SEC14L5: variants seen among roughly 807,000 people sequenced by gnomAD.
SEC14L5 encodes the protein SEC14 like lipid binding 5.
In SEC14L5, 96 loss-of-function variants were observed where a neutral mutation model predicts 84.6. That is an observed-to-expected ratio of 1.13 (90% CI 0.96 to 1.34). SEC14L5 has a LOEUF of 1.34. Among genes scored for constraint, SEC14L5 ranks in the 40% most tolerant of loss-of-function variants. SEC14L5 has a pLI of 0.00. For synonymous variants in SEC14L5, 546 were observed against 383.4 expected, an observed-to-expected ratio of 1.42 and a Z score of -4.95; for missense variants, 1,224 against 942.5, an observed-to-expected ratio of 1.30 and a Z score of -3.91.
At chr16:4,983,629 C>T (rs1955452469) in intron 2 of SEC14L5, among the ~76,000 whole-genome samples, 1 of 151,380 alleles carries the variant, frequency 6.6e-6, no homozygotes. Flanking sequence ...GTAATCCCAG[C>T]ACTTTGGGAG....
At position 5,011,271 on chromosome 16, in the gene SEC14L5, C is replaced by G; in HGVS notation, c.1977C>G (p.Phe659Leu). 1.2e-6 allele frequency: 2 copies of G among 1,612,158 alleles called. No individual in the cohort carries two copies. The highest frequency in any genetic ancestry group is 1.7e-6 in the Non-Finnish European group (2 of 1,178,520). The change falls in exon 15 of 16, where the codon TTC becomes TTG. Residue 659 changes from phenylalanine to leucine, a missense_variant and splice_region_variant. By Grantham distance (22) the Phe-to-Leu change is conservative. Transcript: ENST00000251170. ...YYCEVLASED[F>L]RGSMSSLESC... The stretch of plus-strand genomic sequence containing the variant: ...GTGAGGTGCTCGCCTCTGAGGACTT[C>G]AGGTAGGAGGGCTCCGGAGCGGGGT...
At chr16:5,006,946 C>G (rs942290682) in intron 12 of SEC14L5, among the ~76,000 whole-genome samples, 1 of 152,168 alleles carries the variant, frequency 6.6e-6, no homozygotes, top group South Asian at 2.1e-4. Flanking sequence ...GGTGCAGTGA[C>G]TGTTCCACCC....
intron 2 of SEC14L5, among the ~76,000 whole-genome samples, chr16:4,986,800 G>T (rs149674681): frequency 2.3e-3 from 353 of 152,178 alleles, no homozygotes; most frequent in Non-Finnish European, 4.1e-3. Context: ...GTTGTAAATA[G>T]AATTTTTTCA....
rs1164152095 is a variant in SEC14L5, at chr16:4,988,263, G to A, written c.328G>A (p.Glu110Lys). The change falls in exon 4 of 16, where the codon GAG (glutamate) becomes AAG (lysine). Residue 110 changes from glutamate to lysine, a missense_variant. Glu to Lys is a moderately conservative substitution (Grantham distance 56). Coordinates refer to ENST00000251170, the MANE Select transcript of SEC14L5 (RefSeq NM_014692.2). ...CTTCGCCAACCGCGTGGTGGTGAACGAGCACTGCAGCTACACGGTGAGCCC... is the reference window on the plus strand; with the variant it reads ...CTTCGCCAACCGCGTGGTGGTGAACAAGCACTGCAGCTACACGGTGAGCCC... ...ETFANRVVVN[E>K]HCSYTVHPEN... The A allele has an allele frequency of 1.9e-6, 3 of 1,613,608 alleles. No homozygotes were observed. The highest frequency in any genetic ancestry group is 2.7e-5 in the African/African-American group (2 of 74,910).
Position 5,005,876 on chromosome 16 carries a change from A to AAAAC in SEC14L5, c.1303-35_1303-34insCAAA, listed in dbSNP as rs1340481170. On this transcript the variant is annotated intron_variant, in intron 11 of 15. Transcript: ENST00000251170. ...AAGACTCCGTCTCAAAAAAAAAAAA[A>AAAAC]AAAAAACCATCCATCTTGCCTTATG... 8.0e-6 allele frequency: 12 copies of AAAAC among 1,505,652 alleles called. No individual in the cohort carries two copies. The Admixed American group carries it at 1.2e-4, about 15-fold the overall frequency. 93.3% of individuals were successfully genotyped at this position (1,505,652 alleles called of 1,614,324 possible). A position where few individuals can be genotyped will look rare whatever the true frequency, so the allele number is the denominator to read the frequency against.
chr16:4,989,726 G>A (rs1041892895), intron 4 of SEC14L5, among the ~76,000 whole-genome samples: 2 of 152,166 alleles, frequency 1.3e-5, no homozygotes, highest in East Asian at 3.9e-4. Flanking sequence ...GATCTTCTGG[G>A]GAGGGGCAAG....
Position 4,987,570 on chromosome 16 carries a change from G to T in SEC14L5, c.77G>T (p.Arg26Leu). Residue 26 changes from arginine to leucine, a missense_variant, in exon 3 of 16, where the codon CGT becomes CTT. Transcript: ENST00000251170. ...FELVMAAYEK[R>L]FPTCPQIPVF... Reference sequence around the variant, plus strand: ...CTCTGCCCCCAGGCCTACGAGAAGCGTTTCCCCACGTGCCCACAGATCCCA... The same window carrying T: ...CTCTGCCCCCAGGCCTACGAGAAGCTTTTCCCCACGTGCCCACAGATCCCA... 1 of 1,557,638 alleles carries T rather than the reference G, an allele frequency of 6.4e-7. No individual in the cohort carries two copies. The highest frequency in any genetic ancestry group is 1.2e-5 in the South Asian group (1 of 84,496).
chr16:4,996,913 A>C lies in SEC14L5; in HGVS notation c.839A>C (p.Lys280Thr), dbSNP rs769507897. The C allele has an allele frequency of 6.2e-7, 1 of 1,613,734 alleles. No homozygotes were observed. The highest frequency in any genetic ancestry group is 8.5e-7 in the Non-Finnish European group (1 of 1,179,794). Residue 280 changes from lysine to threonine, a missense_variant, in exon 8 of 16, where the codon AAG becomes ACG. Transcript: ENST00000251170. ...FLRAHDFHLDKAREMLRQSLS... is the reference protein window; with the variant it reads ...FLRAHDFHLDTAREMLRQSLS... ...CGGGCTCATGACTTCCACCTGGACA[A>C]GGCCCGGGAAATGCTGCGCCAGTCC...
chr16:5,005,730 G>C (rs1955723152), intron 11 of SEC14L5, among the ~76,000 whole-genome samples, 184 bp from the exon 12 acceptor site: 1 of 151,760 alleles, frequency 6.6e-6, no homozygotes, highest in Non-Finnish European at 1.5e-5. Context: ...CGGGCATGGT[G>C]GTGGGTGCCT....
intron 15 of SEC14L5, among the ~76,000 whole-genome samples, chr16:5,014,232 G>T (rs1249193457): frequency 6.6e-6 from 1 of 152,210 alleles, no homozygotes; most frequent in African/African-American, 2.4e-5. Flanking sequence ...GGACTGTGCA[G>T]GTGTACAGCA....
At chr16:4,978,436 A>G (rs1224062421) in intron 2 of SEC14L5, among the ~76,000 whole-genome samples, 1 of 124,498 alleles carries the variant, frequency 8.0e-6, no homozygotes, top group Non-Finnish European at 1.6e-5. Context: ...AGGAAAAAAA[A>G]GAAACAAGAT....
chr16:4,983,547 T>C (rs1234405363), intron 2 of SEC14L5, among the ~76,000 whole-genome samples: 1 of 150,134 alleles, frequency 6.7e-6, no homozygotes, highest in Non-Finnish European at 1.5e-5. Flanking sequence ...TATTAACATA[T>C]ATTCATATAT....
intron 15 of SEC14L5, among the ~76,000 whole-genome samples, chr16:5,012,538 C>G (rs144229541): frequency 1.3e-5 from 2 of 152,320 alleles, no homozygotes; most frequent in East Asian, 1.9e-4. Context: ...GGCTCACACC[C>G]AAGTATAACT....
chr16:4,986,522 T>C (rs1955489111), intron 2 of SEC14L5, among the ~76,000 whole-genome samples: 1 of 152,200 alleles, frequency 6.6e-6, no homozygotes, highest in South Asian at 2.1e-4. Context: ...TTATCTTGGG[T>C]CTGTTGTATT....
chr16:5,000,517 TAGTA>T lies in SEC14L5; in HGVS notation c.971-134_971-131del, dbSNP rs1275914579. On this transcript the variant is annotated intron_variant, in intron 8 of 15. Transcript: ENST00000251170. Reference sequence around the variant, plus strand: ...CCCCTCTTGGAAGCAGGCAGGGTGTTAGTAAGTGAAGGCTGGATCGGGCCTTGGT... The same window carrying T: ...CCCCTCTTGGAAGCAGGCAGGGTGTTAGTGAAGGCTGGATCGGGCCTTGGT... 2.3e-5 allele frequency: 15 copies of T among 643,776 alleles called. No individual in the cohort carries two copies. In the Admixed American group the frequency reaches 3.6e-4, roughly 16 times the overall value. The allele number at this position is 643,776 out of a possible 1,614,324, so 39.9% of individuals were successfully genotyped here.
In SEC14L5 at chr16:5,014,988, G is replaced by A. The variant is rs1176914712; in HGVS notation, c.*18G>A. On this transcript the variant is annotated 3_prime_UTR_variant, in exon 16 of 16. Transcript: ENST00000251170. ...CCAGATAGCCGGGCCCAGTGTTTCA[G>A]GGCCGCCCGCTCGCCTCCAGTGTCC... The A allele has an allele frequency of 6.3e-7, 1 of 1,580,986 alleles. No homozygotes were observed. The highest frequency in any genetic ancestry group is 1.7e-5 in the Admixed American group (1 of 59,872).
chr16:5,001,039 C>G (rs1298833382), intron 10 of SEC14L5, 114 bp downstream of exon 10: 2 of 820,552 alleles, frequency 2.4e-6, no homozygotes, highest in Non-Finnish European at 4.0e-6. Context: ...TTCATTCTCC[C>G]CCAGTTTCTA....
chr16:4,979,382 A>C (rs967274481), intron 2 of SEC14L5, among the ~76,000 whole-genome samples: 5 of 152,122 alleles, frequency 3.3e-5, no homozygotes, highest in African/African-American at 4.8e-5. Flanking sequence ...AAGTGACTTA[A>C]ACTCTCTGAG....
At position 5,000,666 on chromosome 16, in the gene SEC14L5, C is replaced by T. The variant is rs916806286; in HGVS notation, c.982C>T (p.Leu328Phe). Residue 328 changes from leucine to phenylalanine, a missense_variant, in exon 9 of 16, where the codon CTC (leucine) becomes TTC (phenylalanine). By Grantham distance (22) the Leu-to-Phe change is conservative. Coordinates refer to ENST00000251170, the MANE Select transcript of SEC14L5 (RefSeq NM_014692.2). The part of the protein sequence containing the change: ...WHYQDIDGRP[L>F]YILRLGQMDT... ...CCCCATCCACAAAGATGGCCGCCCC[C>T]TCTACATCCTCCGCCTGGGCCAGAT... 1 of 1,551,580 alleles carries T rather than the reference C, an allele frequency of 6.4e-7. No homozygotes were observed. The highest frequency in any genetic ancestry group is 1.2e-5 in the South Asian group (1 of 84,066).
Sources: allele counts gnomAD v4.1 joint callset (sites outside exome capture counted in the v4.1 genomes callset), GRCh38; gene constraint gnomAD v4.1.1; transcripts MANE v1.5; gene names NCBI Gene and HGNC (gene_info 2026-07-23, HGNC 2026-07-21).